The following NTRK3 variants were observed in gnomAD, a reference collection of about 807,000 sequenced individuals.
NTRK3 encodes neurotrophic receptor tyrosine kinase 3.
NTRK3 carries 24 observed loss-of-function variants against 91.7 expected under a neutral mutation model. The ratio of observed to expected loss-of-function variants is 0.26; its 90% CI spans 0.19 to 0.37. The LOEUF (loss-of-function observed/expected upper bound fraction) is 0.37. Among genes scored for constraint, NTRK3 ranks in the 10% least tolerant of loss-of-function variants. The probability of loss-of-function intolerance (pLI) is 1.00; values close to 1 mark genes in which losing one functional copy is unlikely to be tolerated. For synonymous variants in NTRK3, 483 were observed against 404.0 expected, an observed-to-expected ratio of 1.20 and a Z score of -2.34; for missense variants, 880 against 1,068.9, an observed-to-expected ratio of 0.82 and a Z score of 2.46.
intron 5 of NTRK3, among the ~76,000 whole-genome samples, chr15:88,165,060 G>A (rs528887380): frequency 9.8e-5 from 15 of 152,302 alleles, no homozygotes; most frequent in African/African-American, 3.4e-4. Flanking sequence ...TTCTCAAGGA[G>A]CTGAGGATTG....
intron 5 of NTRK3, among the ~76,000 whole-genome samples, chr15:88,151,506 C>A (rs140402137): frequency 6.6e-6 from 1 of 152,304 alleles, no homozygotes; most frequent in Non-Finnish European, 1.5e-5. Context: ...CTATGACCTT[C>A]CTAATGGTGG....
At position 88,234,403 on chromosome 15, in the gene NTRK3, G is replaced by T. The variant is rs2051492268; in HGVS notation, c.248+21503C>A. On this transcript the variant is annotated intron_variant, in intron 3 of 18. Transcript: ENST00000394480. This position sits in a 1 kb window ranked among gnomAD's most constrained non-coding sequence, Gnocchi z 6.1. ...GACCAAACACCAGCCATCATTATAA[G>T]AAGCCCATATTCCTTGGGCCTGCAC... Among the ~76,000 whole-genome samples, 1 of 152,158 alleles carries T rather than the reference G, an allele frequency of 6.6e-6. No individual in the cohort carries two copies. Among genetic ancestry groups the T allele is most frequent in the Non-Finnish European group, 1.5e-5 (1 of 68,034 alleles).
At chr15:88,220,304 G>A (rs922753015) in intron 3 of NTRK3, among the ~76,000 whole-genome samples, 1 of 152,122 alleles carries the variant, frequency 6.6e-6, no homozygotes, top group Admixed American at 6.5e-5. Flanking sequence ...ACGGAGAGGG[G>A]TGATGGCCCA....
At chr15:88,010,682 A>C (rs1008088932) in intron 14 of NTRK3, among the ~76,000 whole-genome samples, 1 of 152,154 alleles carries the variant, frequency 6.6e-6, no homozygotes, top group African/African-American at 2.4e-5. Flanking sequence ...TGTCCACTTA[A>C]GAGCCAATAA....
At chr15:88,044,565 A>ACACCCGCCCCCCCACCC (rs1200755703) in intron 13 of NTRK3, among the ~76,000 whole-genome samples, 1 of 117,616 alleles carries the variant, frequency 8.5e-6, no homozygotes, top group Non-Finnish European at 1.8e-5. Context: ...CTGGCCCACC[A>ACACCCGCCCCCCCACCC]CACCCGCCCC....
chr15:88,155,262 C>T (rs1439620236), intron 5 of NTRK3, among the ~76,000 whole-genome samples: 1 of 152,088 alleles, frequency 6.6e-6, no homozygotes, highest in Non-Finnish European at 1.5e-5. Context: ...ACCCATGTGA[C>T]TAATGAAGGA....
intron 14 of NTRK3, among the ~76,000 whole-genome samples, chr15:87,958,908 G>A (rs951133787): frequency 2.6e-5 from 4 of 152,176 alleles, no homozygotes; most frequent in Admixed American, 2.6e-4. Context: ...CAAGTTAAGA[G>A]TAACAGCCCA....
intron 13 of NTRK3, among the ~76,000 whole-genome samples, chr15:88,111,366 G>C (rs1025598314): frequency 6.6e-6 from 1 of 152,206 alleles, no homozygotes; most frequent in African/African-American, 2.4e-5. Context: ...GGGTGGGAGA[G>C]TGGATTAAAG....
chr15:88,139,782 T>C (rs1215511429), intron 6 of NTRK3, among the ~76,000 whole-genome samples: 2 of 152,078 alleles, frequency 1.3e-5, no homozygotes, highest in Non-Finnish European at 2.9e-5. Context: ...AACCTCAGTG[T>C]GCTGGACTTC....
intron 13 of NTRK3, among the ~76,000 whole-genome samples, chr15:88,095,269 G>A (rs969116799): frequency 2.0e-5 from 3 of 152,220 alleles, no homozygotes; most frequent in African/African-American, 7.2e-5. Context: ...TGGAGAAAAT[G>A]TCTCAACAAA....
intron 14 of NTRK3, among the ~76,000 whole-genome samples, chr15:88,018,365 G>C: frequency 6.6e-6 from 1 of 152,192 alleles, no homozygotes. Context: ...CCAAAAGGTG[G>C]GGGTGTGGGT....
chr15:88,147,520 T>A lies in NTRK3; in HGVS notation c.396-117A>T. ...GCTTTGTTTTCCTTCTTCTTCTTCT[T>A]CTTCTTCTTCTTCTTCTTCTTCTTC... On this transcript the variant is annotated intron_variant, in intron 5 of 18. Transcript: ENST00000394480. 27 of 352,136 alleles carry A rather than the reference T, an allele frequency of 7.7e-5. No individual in the cohort carries two copies. The South Asian group carries it at 9.8e-4, about 13-fold the overall frequency. 21.8% of individuals were successfully genotyped at this position (352,136 alleles called of 1,614,324 possible).
At chr15:88,068,353 C>T (rs964429129) in intron 13 of NTRK3, among the ~76,000 whole-genome samples, 1 of 152,108 alleles carries the variant, frequency 6.6e-6, no homozygotes, top group African/African-American at 2.4e-5. Context: ...ATTGCTTGAA[C>T]CCGGGAGGTG....
chr15:88,120,821 T>C (rs1033353142), intron 13 of NTRK3, among the ~76,000 whole-genome samples: 1 of 152,224 alleles, frequency 6.6e-6, no homozygotes, highest in African/African-American at 2.4e-5. Flanking sequence ...AAGTCAAGTA[T>C]GTGGAAAAGC....
chr15:88,022,518 G>A (rs2077675191), intron 14 of NTRK3, among the ~76,000 whole-genome samples: 1 of 152,148 alleles, frequency 6.6e-6, no homozygotes, highest in Non-Finnish European at 1.5e-5. Flanking sequence ...GAGCTAGAAA[G>A]GATCTCTGGA....
intron 15 of NTRK3, among the ~76,000 whole-genome samples, chr15:87,936,399 G>C (rs1242713489): frequency 6.6e-6 from 1 of 152,110 alleles, no homozygotes; most frequent in Non-Finnish European, 1.5e-5. Flanking sequence ...GCCTTGGGGA[G>C]AGGGTTCAGT....
intron 14 of NTRK3, among the ~76,000 whole-genome samples, chr15:88,031,183 C>T (rs1596822474): frequency 1.3e-5 from 2 of 152,246 alleles, no homozygotes; most frequent in African/African-American, 2.4e-5. Flanking sequence ...AAATGTGACC[C>T]GAGGCTCACA....
At chr15:88,056,724 C>G (rs1196591686) in intron 13 of NTRK3, among the ~76,000 whole-genome samples, 1 of 152,216 alleles carries the variant, frequency 6.6e-6, no homozygotes, top group Admixed American at 6.5e-5. Flanking sequence ...TCCGGAAAAC[C>G]CTTTGGCACT....
At chr15:88,033,086 A>G in intron 13 of NTRK3, 41 bp from the exon 14 acceptor site, 1 of 1,542,044 alleles carries the variant, frequency 6.5e-7, no homozygotes, top group East Asian at 2.4e-5. Context: ...GTGACGTCAC[A>G]TCCGGCCAGT....
Sources: allele counts gnomAD v4.1 joint callset (sites outside exome capture counted in the v4.1 genomes callset), GRCh38; gene constraint gnomAD v4.1.1; non-coding constraint Gnocchi (gnomAD v3.1); transcripts MANE v1.5; gene names NCBI Gene and HGNC (gene_info 2026-07-23, HGNC 2026-07-21).